Variants in GATAD2B observed in about 807,000 individuals in gnomAD.
The protein encoded by GATAD2B is GATA zinc finger domain containing 2B, also known as transcriptional repressor p66-beta.
In GATAD2B, 8 loss-of-function variants were observed where a neutral mutation model predicts 64.3. The observed-to-expected ratio is 0.12, with a 90% CI of 0.07 to 0.22. The LOEUF is 0.22. GATAD2B is among the 10% of genes least tolerant of loss of function. The probability of loss-of-function intolerance (pLI) is 1.00; values close to 1 mark genes in which losing one functional copy is unlikely to be tolerated. For missense variants in GATAD2B, 453 were observed against 752.0 expected (o/e 0.60, Z 4.65); for synonymous variants, 281 against 271.3 (o/e 1.04, Z -0.35).
intron 1 of GATAD2B, among the ~76,000 whole-genome samples, chr1:153,858,861 G>C (rs987503929): frequency 2.0e-5 from 3 of 152,142 alleles, no homozygotes; most frequent in Non-Finnish European, 4.4e-5. Flanking sequence ...TAGGGGAAGA[G>C]ACTATTCTTA....
intron 1 of GATAD2B, among the ~76,000 whole-genome samples, chr1:153,900,776 C>T (rs1003277099): frequency 1.3e-5 from 2 of 152,056 alleles, no homozygotes; most frequent in Non-Finnish European, 2.9e-5. Flanking sequence ...ATTGTAGCAG[C>T]ATGAAAACAA....
intron 1 of GATAD2B, among the ~76,000 whole-genome samples, chr1:153,895,925 T>A (rs1289864369): frequency 6.7e-6 from 1 of 149,278 alleles, no homozygotes; most frequent in Non-Finnish European, 1.5e-5. Flanking sequence ...TTTGGGAGGC[T>A]GAGGTGGGAG....
At chr1:153,818,408 G>C (rs565590994) in intron 4 of GATAD2B, among the ~76,000 whole-genome samples, 45 of 149,496 alleles carry the variant, frequency 3.0e-4, no homozygotes, top group Admixed American at 2.6e-3. Flanking sequence ...TCCACCTCCC[G>C]GGTTCACGCC....
At chr1:153,905,773 A>T (rs2101964296) in intron 1 of GATAD2B, among the ~76,000 whole-genome samples, 1 of 144,824 alleles carries the variant, frequency 6.9e-6, no homozygotes, top group East Asian at 2.0e-4. Context: ...TCTCTCAAAC[A>T]AAAAAAAAAA....
At chr1:153,826,836 G>A (rs577502321) in intron 2 of GATAD2B, among the ~76,000 whole-genome samples, 2 of 151,998 alleles carry the variant, frequency 1.3e-5, no homozygotes, top group Admixed American at 6.6e-5. Context: ...AGCTACTTGG[G>A]AGGCTAGGGC....
chr1:153,891,223 A>C (rs1677387796), intron 1 of GATAD2B, among the ~76,000 whole-genome samples: 1 of 151,152 alleles, frequency 6.6e-6, no homozygotes, highest in Non-Finnish European at 1.5e-5. Flanking sequence ...AGGAAAGGAA[A>C]AAGGGAAGGG....
intron 1 of GATAD2B, among the ~76,000 whole-genome samples, chr1:153,872,104 G>A (rs1022981135): frequency 2.6e-5 from 4 of 151,878 alleles, no homozygotes; most frequent in African/African-American, 7.2e-5. Flanking sequence ...GATCACTTGA[G>A]GCCAAGAGTT....
At chr1:153,909,630 T>C (rs1329909532) in intron 1 of GATAD2B, among the ~76,000 whole-genome samples, 2 of 151,238 alleles carry the variant, frequency 1.3e-5, no homozygotes, top group Non-Finnish European at 2.9e-5. Context: ...GAAACCTGTC[T>C]CTATTAAAAA....
At chr1:153,916,818 T>C (rs1678279989) in intron 1 of GATAD2B, among the ~76,000 whole-genome samples, 1 of 152,206 alleles carries the variant, frequency 6.6e-6, no homozygotes, top group Non-Finnish European at 1.5e-5. Context: ...TGTTTATTTA[T>C]TTATTTTTGA....
At chr1:153,844,169 G>A (rs1295364087) in intron 1 of GATAD2B, among the ~76,000 whole-genome samples, 1 of 152,208 alleles carries the variant, frequency 6.6e-6, no homozygotes, top group East Asian at 1.9e-4. Context: ...GGATATCAGA[G>A]TGCTGATCAG....
At chr1:153,836,952 A>G (rs1675289618) in intron 1 of GATAD2B, among the ~76,000 whole-genome samples, 1 of 152,202 alleles carries the variant, frequency 6.6e-6, no homozygotes, top group Non-Finnish European at 1.5e-5. Flanking sequence ...CAGAACCCAG[A>G]TACCTGAATG....
chr1:153,816,233 C>T lies in GATAD2B; in HGVS notation c.1216+40G>A, dbSNP rs1674477516. On this transcript the variant is annotated intron_variant, in intron 7 of 10. Transcript: ENST00000368655. This position sits in a 1 kb window ranked among gnomAD's most constrained non-coding sequence, Gnocchi z 4.9. ...TGCCTATGTCAATCAGGCTTGGCAA[C>T]CACTTGCTTAAATAGATTGATTAGA... 1.4e-6 allele frequency: 2 copies of T among 1,385,822 alleles called. No individual in the cohort carries two copies. Among genetic ancestry groups the T allele is most frequent in the African/African-American group, 2.8e-5 (2 of 70,486 alleles). 85.8% of individuals were successfully genotyped at this position (1,385,822 alleles called of 1,614,324 possible). A position where few individuals can be genotyped will look rare whatever the true frequency, so the allele number is the denominator to read the frequency against.
intron 1 of GATAD2B, among the ~76,000 whole-genome samples, chr1:153,848,294 A>G (rs1675760041): frequency 6.6e-6 from 1 of 152,106 alleles, no homozygotes; most frequent in Non-Finnish European, 1.5e-5. Flanking sequence ...CCTCAATATA[A>G]AGAGATTATT....
intron 2 of GATAD2B, among the ~76,000 whole-genome samples, chr1:153,820,454 T>C (rs1252259266): frequency 6.6e-6 from 1 of 152,218 alleles, no homozygotes; most frequent in Non-Finnish European, 1.5e-5. Flanking sequence ...TGGCACATAC[T>C]GCTTAAGACC....
chr1:153,875,732 C>T (rs11590099), intron 1 of GATAD2B, among the ~76,000 whole-genome samples: 36,073 of 139,212 alleles, frequency 0.26, 5,461 homozygotes, highest in Admixed American at 0.38. Flanking sequence ...CTAAAATAAA[C>T]TAGTAAGAAC....
chr1:153,826,659 G>A (rs998574950), intron 2 of GATAD2B, among the ~76,000 whole-genome samples: 6 of 151,872 alleles, frequency 4.0e-5, no homozygotes, highest in Non-Finnish European at 8.8e-5. Flanking sequence ...TGGGTTATAA[G>A]CTGGGTGTGG....
Position 153,839,108 on chromosome 1 carries a change from C to CAAAAAAAAAAAAAA in GATAD2B, c.-1-10774_-1-10761dup, listed in dbSNP as rs35262137. On this transcript the variant is annotated intron_variant, in intron 1 of 10. Coordinates refer to ENST00000368655, the MANE Select transcript of GATAD2B (RefSeq NM_020699.4). ...TGGGTGACAGAACGAGACCCTGTCTCAAAAAAAAAAAAAAAAAAAAAAAAA... is the reference window on the plus strand; with the variant it reads ...TGGGTGACAGAACGAGACCCTGTCTCAAAAAAAAAAAAAAAAAAAAAAAAAAAAAAAAAAAAAAA... Among the ~76,000 whole-genome samples, 300 of 78,556 alleles carry CAAAAAAAAAAAAAA rather than the reference C, an allele frequency of 3.8e-3. 4 individuals carry two copies. Among genetic ancestry groups the CAAAAAAAAAAAAAA allele is most frequent in the East Asian group, 0.01 (21 of 2,080 alleles). 51.5% of individuals were successfully genotyped at this position (78,556 alleles called of 152,430 possible).
chr1:153,888,406 C>T (rs1370469247), intron 1 of GATAD2B, among the ~76,000 whole-genome samples: 1 of 152,100 alleles, frequency 6.6e-6, no homozygotes, highest in African/African-American at 2.4e-5. Context: ...GTCCTAAATC[C>T]CTAACTTATT....
intron 1 of GATAD2B, among the ~76,000 whole-genome samples, chr1:153,872,110 G>C (rs1676687425): frequency 6.6e-6 from 1 of 151,968 alleles, no homozygotes; most frequent in South Asian, 2.1e-4. Context: ...TTGAGGCCAA[G>C]AGTTCGAGAC....
Sources: allele counts gnomAD v4.1 joint callset (sites outside exome capture counted in the v4.1 genomes callset), GRCh38; gene constraint gnomAD v4.1.1; non-coding constraint Gnocchi (gnomAD v3.1); transcripts MANE v1.5; gene names NCBI Gene and HGNC (gene_info 2026-07-23, HGNC 2026-07-21).